ADGRV1: variants seen among roughly 807,000 people sequenced by gnomAD.
ADGRV1 encodes G-protein coupled receptor 98.
In ADGRV1, 359 loss-of-function variants were observed where a neutral mutation model predicts 596.2. The observed-to-expected ratio is 0.60, with a 90% CI of 0.55 to 0.66. ADGRV1 has a LOEUF of 0.66. Ranked by LOEUF, ADGRV1 falls within the 30% of genes least tolerant of loss-of-function variation. The probability of loss-of-function intolerance (pLI) is 0.00; values close to 1 mark genes in which losing one functional copy is unlikely to be tolerated. For missense variants in ADGRV1, 7,274 were observed against 7,575.6 expected (o/e 0.96, Z 1.48); for synonymous variants, 2,681 against 2,679.2 (o/e 1.00, Z -0.02).
chr5:90,635,341 AC>A (rs1554066908), intron 10 of ADGRV1, 51 bp downstream of exon 10: 9 of 1,455,834 alleles, frequency 6.2e-6, no homozygotes, highest in Middle Eastern at 1.8e-4. Context: ...GAAGTAATGT[AC>A]AGACACTATT....
chr5:90,751,979 C>A (rs1455642546), intron 53 of ADGRV1, among the ~76,000 whole-genome samples: 2 of 152,026 alleles, frequency 1.3e-5, no homozygotes, highest in Non-Finnish European at 2.9e-5. Flanking sequence ...ATAATGGTAC[C>A]TTAAACATAG....
chr5:90,585,466 A>G (rs1758632938), intron 1 of ADGRV1, among the ~76,000 whole-genome samples: 1 of 152,192 alleles, frequency 6.6e-6, no homozygotes, highest in Non-Finnish European at 1.5e-5. Context: ...AAGGAGGCCT[A>G]GGGTTGTAGG....
intron 11 of ADGRV1, among the ~76,000 whole-genome samples, chr5:90,641,492 T>C (rs1341377815): frequency 6.6e-6 from 1 of 152,204 alleles, no homozygotes; most frequent in East Asian, 1.9e-4. Context: ...TATAAGAAAT[T>C]TTAATTAATG....
intron 84 of ADGRV1, among the ~76,000 whole-genome samples, chr5:90,967,939 C>T (rs541876173): frequency 7.9e-4 from 120 of 152,280 alleles, no homozygotes; most frequent in Non-Finnish European, 1.2e-3. Flanking sequence ...GACATGTTTA[C>T]GTTGTAATTT....
intron 39 of ADGRV1, among the ~76,000 whole-genome samples, chr5:90,710,158 C>G (rs1487844163): frequency 6.6e-6 from 1 of 152,148 alleles, no homozygotes; most frequent in Non-Finnish European, 1.5e-5. Flanking sequence ...CTCTCCCTAC[C>G]CTTTCCCCAT....
rs1797154640 is a variant in ADGRV1 at position 91,163,824 on chromosome 5, G to A, written c.18845G>A (p.Ser6282Asn). The change falls in exon 90 of 90, where the codon AGC becomes AAC. Residue 6282 changes from serine (S) to asparagine (N), a missense_variant. Physicochemically the swap from Ser to Asn is conservative, Grantham distance 46. Transcript: ENST00000405460. ...SVSDNESGQG[S>N]QEGGTLTDSQ... Reference sequence around the variant, plus strand: ...AGTGATAATGAATCTGGTCAAGGCAGCCAGGAGGGGGGCACCTTGACTGAC... The same window carrying A: ...AGTGATAATGAATCTGGTCAAGGCAACCAGGAGGGGGGCACCTTGACTGAC... 1.9e-6 allele frequency: 3 copies of A among 1,604,542 alleles called. No individual in the cohort carries two copies. The African/African-American group carries it at 4.0e-5, about 21-fold the overall frequency.
chr5:90,635,978 A>C (rs1040666057), intron 10 of ADGRV1, among the ~76,000 whole-genome samples: 1 of 149,972 alleles, frequency 6.7e-6, no homozygotes, highest in Non-Finnish European at 1.5e-5. Context: ...TGAGCATTCC[A>C]TATGCTTGGG....
intron 32 of ADGRV1, among the ~76,000 whole-genome samples, 189 bp from the exon 33 acceptor site, chr5:90,693,701 T>C (rs1363470659): frequency 6.6e-6 from 1 of 152,226 alleles, no homozygotes; most frequent in Non-Finnish European, 1.5e-5. Flanking sequence ...GATTGAAAAT[T>C]AGCAAGGTTT....
intron 83 of ADGRV1, among the ~76,000 whole-genome samples, chr5:90,923,817 TCC>T: frequency 1.3e-5 from 2 of 150,822 alleles, no homozygotes. Flanking sequence ...AGTGTGATAT[TCC>T]CCTTCCTGTG....
intron 74 of ADGRV1, among the ~76,000 whole-genome samples, chr5:90,815,083 G>C (rs866634474): frequency 2.6e-5 from 4 of 151,854 alleles, no homozygotes; most frequent in African/African-American, 7.2e-5. Flanking sequence ...TAATATTTCT[G>C]TTTTGTTCTG....
intron 85 of ADGRV1, among the ~76,000 whole-genome samples, chr5:91,007,462 A>G (rs1377665223): frequency 6.6e-6 from 1 of 152,068 alleles, no homozygotes; most frequent in Non-Finnish European, 1.5e-5. Context: ...TCTTGTGGTC[A>G]CGGTCAAAGA....
In ADGRV1 at chr5:90,759,561, TG is replaced by T; in HGVS notation, c.12095del (p.Gly4032GlufsTer10). 1 of 1,613,534 alleles carries T rather than the reference TG, an allele frequency of 6.2e-7. No individual in the cohort carries two copies. The highest frequency in any genetic ancestry group is 1.6e-4 in the Middle Eastern group (1 of 6,062). On this transcript the variant is annotated frameshift_variant, in exon 58 of 90. Coordinates refer to ENST00000405460, the MANE Select transcript of ADGRV1 (RefSeq NM_032119.4). LOFTEE classifies it high-confidence loss of function. ...TTATTCCACAAAATGATTCTCCATTTGGAGTATTTGGATTTGAAGAAAAGAC... is the reference window on the plus strand; with the variant it reads ...TTATTCCACAAAATGATTCTCCATTTGAGTATTTGGATTTGAAGAAAAGAC... ...VVIPQNDSPF[G>X]VFGFEEKTVM...
At chr5:90,793,904 T>G (rs774259957) in intron 70 of ADGRV1, among the ~76,000 whole-genome samples, 5 of 152,230 alleles carry the variant, frequency 3.3e-5, no homozygotes, top group Non-Finnish European at 5.9e-5. Context: ...ATTCCAGGAT[T>G]GTGGTGTAAG....
At chr5:90,575,752 G>A (rs1371354844) in intron 1 of ADGRV1, among the ~76,000 whole-genome samples, 3 of 152,120 alleles carry the variant, frequency 2.0e-5, no homozygotes, top group East Asian at 1.9e-4. Flanking sequence ...GAAACTGTTC[G>A]GATTATTCCC....
intron 57 of ADGRV1, 31 bp from the exon 58 acceptor site, chr5:90,759,378 C>T (rs1561672285): frequency 2.1e-6 from 3 of 1,430,788 alleles, no homozygotes; most frequent in Non-Finnish European, 2.9e-6. Context: ...TTTCCTCCCT[C>T]TCTTTCTCCC....
chr5:90,684,622 G>A (rs558777353), intron 28 of ADGRV1, among the ~76,000 whole-genome samples: 4 of 152,262 alleles, frequency 2.6e-5, no homozygotes, highest in African/African-American at 9.6e-5. Flanking sequence ...TGCCTGGTGA[G>A]GGTCTGCTTC....
intron 83 of ADGRV1, among the ~76,000 whole-genome samples, chr5:90,897,200 A>C (rs1321655915): frequency 6.6e-6 from 1 of 152,230 alleles, no homozygotes; most frequent in Non-Finnish European, 1.5e-5. Flanking sequence ...ATATACTTAC[A>C]TATAAATATA....
At chr5:90,678,176 A>G (rs1744488068) in intron 25 of ADGRV1, among the ~76,000 whole-genome samples, 1 of 152,014 alleles carries the variant, frequency 6.6e-6, no homozygotes, top group South Asian at 2.1e-4. Context: ...TTCCCATCCT[A>G]TTGACAGGCA....
chr5:90,681,490 T>C, intron 27 of ADGRV1, 36 bp downstream of exon 27: 1 of 1,582,956 alleles, frequency 6.3e-7, no homozygotes, highest in Non-Finnish European at 8.6e-7. Context: ...CTAGACACTT[T>C]CTGTTGTTTT....
Sources: allele counts gnomAD v4.1 joint callset (sites outside exome capture counted in the v4.1 genomes callset), GRCh38; gene constraint gnomAD v4.1.1; transcripts MANE v1.5; gene names NCBI Gene and HGNC (gene_info 2026-07-23, HGNC 2026-07-21).